The following HAPSTR1 variants were observed in gnomAD, a reference collection of about 807,000 sequenced individuals.
The protein encoded by HAPSTR1 is HUWE1 associated protein modifying stress responses.
chr16:9,115,337 T>C, the HAPSTR1 span, among the ~76,000 whole-genome samples: 239 of 152,346 alleles, frequency 1.6e-3, no homozygotes, highest in African/African-American at 5.6e-3. Flanking sequence ...GAAAATCTTA[T>C]AAGTCCTATT....
chr16:9,096,341 T>C, the HAPSTR1 span, among the ~76,000 whole-genome samples: 4 of 152,328 alleles, frequency 2.6e-5, no homozygotes, highest in East Asian at 7.7e-4. Context: ...TTTCTGTCTT[T>C]TTAAAAATTT....
the HAPSTR1 span, chr16:9,092,842 T>G: frequency 3.6e-6 from 5 of 1,377,992 alleles, no homozygotes; most frequent in African/African-American, 1.5e-5. Context: ...GCAAATAACA[T>G]TCTTGTTCTC....
At chr16:9,112,200 C>T in the HAPSTR1 span, 2 of 152,176 alleles carry the variant, frequency 1.3e-5, no homozygotes, top group Non-Finnish European at 1.5e-5. Flanking sequence ...ATCTTAAACA[C>T]GACATTGACA....
At chr16:9,098,069 G>A in the HAPSTR1 span, among the ~76,000 whole-genome samples, 34 of 152,312 alleles carry the variant, frequency 2.2e-4, 2 homozygotes, top group Admixed American at 2.1e-3. Flanking sequence ...GGGGGCTCAC[G>A]CCTGTAATCC....
the HAPSTR1 span, among the ~76,000 whole-genome samples, chr16:9,100,572 C>T: frequency 2.8e-4 from 42 of 151,956 alleles, no homozygotes; most frequent in East Asian, 2.9e-3. Flanking sequence ...CTTACTCTTT[C>T]GCCCAGGCTG....
chr16:9,112,748 G>T, the HAPSTR1 span: 1 of 152,192 alleles, frequency 6.6e-6, no homozygotes, highest in African/African-American at 2.4e-5. Flanking sequence ...TGGACTGTAA[G>T]TTTGTTTTAG....
the HAPSTR1 span, chr16:9,103,310 G>A: frequency 5.1e-6 from 8 of 1,566,036 alleles, no homozygotes; most frequent in African/African-American, 1.1e-4. Flanking sequence ...GAGGGTGCCT[G>A]TGGACCCATT....
chr16:9,106,017 G>A, the HAPSTR1 span: 1 of 152,302 alleles, frequency 6.6e-6, no homozygotes, highest in Admixed American at 6.5e-5. Context: ...ATTTCGTGTA[G>A]ACAGAGTATG....
At chr16:9,092,924 G>A in the HAPSTR1 span, 1 of 1,588,362 alleles carries the variant, frequency 6.3e-7, no homozygotes, top group Non-Finnish European at 8.6e-7. Context: ...TTTTCAGACC[G>A]AGTGTGTCAG....
the HAPSTR1 span, among the ~76,000 whole-genome samples, chr16:9,093,452 C>T: frequency 6.6e-6 from 1 of 152,192 alleles, no homozygotes; most frequent in Non-Finnish European, 1.5e-5. Context: ...TTTTGTACTA[C>T]AGTCGGAAGT....
the HAPSTR1 span, chr16:9,112,401 C>G: frequency 6.6e-6 from 1 of 152,222 alleles, no homozygotes; most frequent in Non-Finnish European, 1.5e-5. Flanking sequence ...ACTGGTGGAA[C>G]AAATCTGCAG....
At chr16:9,099,092 T>C in the HAPSTR1 span, among the ~76,000 whole-genome samples, 1 of 151,630 alleles carries the variant, frequency 6.6e-6, no homozygotes, top group East Asian at 1.9e-4. Context: ...ATTTGTCTTC[T>C]AAAATCTCTT....
the HAPSTR1 span, among the ~76,000 whole-genome samples, chr16:9,101,853 G>A: frequency 6.6e-6 from 1 of 152,042 alleles, no homozygotes; most frequent in South Asian, 2.1e-4. Flanking sequence ...CGGTTGCAGT[G>A]GCTCACGCCT....
chr16:9,095,058 T>C, the HAPSTR1 span, among the ~76,000 whole-genome samples: 1 of 152,376 alleles, frequency 6.6e-6, no homozygotes, highest in East Asian at 1.9e-4. Flanking sequence ...AATTTTATTT[T>C]TAGAAAACAT....
chr16:9,100,417 A>AT, the HAPSTR1 span, among the ~76,000 whole-genome samples: 351 of 142,406 alleles, frequency 2.5e-3, 1 homozygote, highest in African/African-American at 6.2e-3. Context: ...TTCACAGGAT[A>AT]TTTTTTTTTT....
the HAPSTR1 span, among the ~76,000 whole-genome samples, chr16:9,101,418 C>G: frequency 6.6e-6 from 1 of 152,188 alleles, no homozygotes; most frequent in East Asian, 1.9e-4. Context: ...TTAGAATAAT[C>G]CACCTTCTCA....
the HAPSTR1 span, chr16:9,113,075 G>T: frequency 7.8e-6 from 1 of 128,942 alleles, no homozygotes. Context: ...AGATTTTTCT[G>T]TACTTGTATA....
chr16:9,094,616 T>G, the HAPSTR1 span, among the ~76,000 whole-genome samples: 2 of 152,226 alleles, frequency 1.3e-5, no homozygotes, highest in East Asian at 3.8e-4. Context: ...TTGTAGCCTA[T>G]TGTGTCTGGC....
the HAPSTR1 span, among the ~76,000 whole-genome samples, chr16:9,096,389 CT>C: frequency 2.7e-5 from 4 of 147,910 alleles, no homozygotes; most frequent in Non-Finnish European, 6.1e-5. Flanking sequence ...GTATTTCCTT[CT>C]TCATCTTCTT....
Sources: allele counts gnomAD v4.1 joint callset (sites outside exome capture counted in the v4.1 genomes callset), GRCh38; gene constraint gnomAD v4.1.1; transcripts MANE v1.5; gene names NCBI Gene and HGNC (gene_info 2026-07-23, HGNC 2026-07-21).